GAB1: variants seen among roughly 807,000 people sequenced by gnomAD.
GAB1 encodes GRB2-associated-binding protein 1.
In GAB1, 19 loss-of-function variants were observed where a neutral mutation model predicts 66.5. The ratio of observed to expected loss-of-function variants is 0.29; its 90% CI spans 0.20 to 0.42. The LOEUF (loss-of-function observed/expected upper bound fraction) is 0.42. GAB1 is among the 10% of genes least tolerant of loss of function. The pLI is 1.00. For synonymous variants in GAB1, 294 were observed against 301.4 expected (o/e 0.98, Z 0.25); for missense variants, 732 against 858.5 (o/e 0.85, Z 1.84).
rs76194829 is a variant in GAB1, at chr4:143,339,164, G to A, written c.72+1904G>A. Among the ~76,000 whole-genome samples, 109 of 152,316 alleles carry A rather than the reference G, an allele frequency of 7.2e-4. 3 individuals are homozygous for A. The East Asian group carries it at 0.02, about 27-fold the overall frequency. Reference sequence around the variant, plus strand: ...CATTTGAACCCAGATCTGCCTGATTGATTGGACTGTAAAAGGTTAACGACT... The same window carrying A: ...CATTTGAACCCAGATCTGCCTGATTAATTGGACTGTAAAAGGTTAACGACT... On this transcript the variant is annotated intron_variant, in intron 1 of 9. Coordinates refer to ENST00000262994, the MANE Select transcript of GAB1 (RefSeq NM_002039.4).
At position 143,473,425 on chromosome 4, in the gene GAB1, T is replaced by A. The variant is rs1405570939; in HGVS notation, c.*4236T>A. The A allele has an allele frequency of 6.6e-6, 1 of 152,216 alleles. No individual in the cohort carries two copies. Among genetic ancestry groups the A allele is most frequent in the African/African-American group, 2.4e-5 (1 of 41,456 alleles). The allele number at this position is 152,216 out of a possible 1,614,324, so 9.4% of individuals were successfully genotyped here. On this transcript the variant is annotated 3_prime_UTR_variant, in exon 10 of 10. Coordinates refer to ENST00000262994, the MANE Select transcript of GAB1 (RefSeq NM_002039.4). ...TGCATCAAAAACCCAATTCTGCCATTAACTGTGCTTCCCAGTCCCACCTCT... is the reference window on the plus strand; with the variant it reads ...TGCATCAAAAACCCAATTCTGCCATAAACTGTGCTTCCCAGTCCCACCTCT...
intron 1 of GAB1, among the ~76,000 whole-genome samples, chr4:143,363,017 A>G (rs764305380): frequency 4.6e-5 from 7 of 152,218 alleles, no homozygotes; most frequent in Non-Finnish European, 8.8e-5. Flanking sequence ...TGAAAAGTAG[A>G]CATTATTGTC....
intron 3 of GAB1, among the ~76,000 whole-genome samples, chr4:143,434,926 C>T (rs1227823769): frequency 1.3e-5 from 2 of 152,162 alleles, no homozygotes; most frequent in African/African-American, 4.8e-5. Context: ...AGAGGCCAAT[C>T]TCTGCCATTA....
intron 6 of GAB1, among the ~76,000 whole-genome samples, chr4:143,449,336 G>A (rs1734762547): frequency 1.3e-5 from 2 of 151,648 alleles, no homozygotes; most frequent in African/African-American, 4.9e-5. Context: ...TTCAATTCCT[G>A]GGTATCCTTG....
chr4:143,374,384 A>G lies in GAB1; in HGVS notation c.72+37124A>G, dbSNP rs533152295. On this transcript the variant is annotated intron_variant, in intron 1 of 9. Transcript: ENST00000262994. ...AGTCAAAGGAAAGGAAAACCTGTTC[A>G]ACAATTTTTCTTGCTTTTCATGTGC... Among the ~76,000 whole-genome samples the G allele has an allele frequency of 6.6e-5, 10 of 152,334 alleles. No individual in the cohort carries two copies. The South Asian group carries it at 2.1e-3, about 32-fold the overall frequency.
At chr4:143,464,957 CAT>C (rs1735703773) in intron 8 of GAB1, among the ~76,000 whole-genome samples, 1 of 152,282 alleles carries the variant, frequency 6.6e-6, no homozygotes, top group East Asian at 1.9e-4. Context: ...TTCATCATAA[CAT>C]GTATAAATTT....
chr4:143,336,990 T>A lies in GAB1; in HGVS notation c.-199T>A, dbSNP rs1447866428. Reference sequence around the variant, plus strand: ...GCCCGCGGCCCCGGCTCGCGTTCTGTTCAGGTTCGTGGGCCTGCAGAGGAG... The same window carrying A: ...GCCCGCGGCCCCGGCTCGCGTTCTGATCAGGTTCGTGGGCCTGCAGAGGAG... On this transcript the variant is annotated 5_prime_UTR_variant, in exon 1 of 10. Transcript: ENST00000262994. The A allele has an allele frequency of 1.8e-6, 1 of 553,250 alleles. No individual in the cohort carries two copies. The highest frequency in any genetic ancestry group is 3.2e-6 in the Non-Finnish European group (1 of 311,146). 34.3% of individuals were successfully genotyped at this position (553,250 alleles called of 1,614,324 possible).
At chr4:143,379,149 A>G (rs961256494) in intron 1 of GAB1, among the ~76,000 whole-genome samples, 1 of 152,220 alleles carries the variant, frequency 6.6e-6, no homozygotes. Flanking sequence ...AGAGTTATAT[A>G]TGTAACAGAG....
chr4:143,408,943 T>C (rs971033078), intron 1 of GAB1, among the ~76,000 whole-genome samples: 6 of 152,164 alleles, frequency 3.9e-5, no homozygotes, highest in African/African-American at 9.7e-5. Flanking sequence ...AGAAGGGAAG[T>C]TGGCTCAGGA....
rs1735997156 is a variant in GAB1, at chr4:143,469,873, CT to C, written c.*687del. On this transcript the variant is annotated 3_prime_UTR_variant, in exon 10 of 10. Coordinates refer to ENST00000262994, the MANE Select transcript of GAB1 (RefSeq NM_002039.4). Reference sequence around the variant, plus strand: ...GATTCTGCCGGGTGGGATCTTGCACCTTTGAAAGACTGAATAATTACACTAC... The same window carrying C: ...GATTCTGCCGGGTGGGATCTTGCACCTTGAAAGACTGAATAATTACACTAC... 1 of 152,602 alleles carries C rather than the reference CT, an allele frequency of 6.6e-6. No homozygotes were observed. The highest frequency in any genetic ancestry group is 2.1e-4 in the South Asian group (1 of 4,832). The allele number at this position is 152,602 out of a possible 1,614,324, so 9.5% of individuals were successfully genotyped here. A position where few individuals can be genotyped will look rare whatever the true frequency, so the allele number is the denominator to read the frequency against.
intron 2 of GAB1, among the ~76,000 whole-genome samples, chr4:143,426,447 A>AG (rs1417738021): frequency 6.6e-6 from 1 of 152,060 alleles, no homozygotes; most frequent in East Asian, 1.9e-4. Flanking sequence ...GCTACGTAGG[A>AG]GGGGAGGATT....
chr4:143,449,979 A>C (rs564414666), intron 6 of GAB1, among the ~76,000 whole-genome samples: 23 of 152,126 alleles, frequency 1.5e-4, no homozygotes, highest in Admixed American at 1.1e-3. Flanking sequence ...ACATGTATAC[A>C]CTAATAAGTG....
rs552275263 is a variant in GAB1, at chr4:143,472,614, C to T, written c.*3425C>T. The T allele has an allele frequency of 6.6e-6, 1 of 152,152 alleles. No homozygotes were observed. Among genetic ancestry groups the T allele is most frequent in the East Asian group, 1.9e-4 (1 of 5,190 alleles). 9.4% of individuals were successfully genotyped at this position (152,152 alleles called of 1,614,324 possible). ...CACTCCTAGTGCCTCTTTTTTGGCC[C>T]GTTGAAAGTGTTGGTATTACTACTT... is the stretch of plus-strand genomic sequence containing the variant. On this transcript the variant is annotated 3_prime_UTR_variant, in exon 10 of 10. Coordinates refer to ENST00000262994, the MANE Select transcript of GAB1 (RefSeq NM_002039.4).
At chr4:143,426,114 G>T (rs761186788) in intron 2 of GAB1, 14 of 472,610 alleles carry the variant, frequency 3.0e-5, no homozygotes, top group Non-Finnish European at 5.2e-5. Flanking sequence ...TTAGAGGTTG[G>T]TTCACCTTCT....
At chr4:143,425,270 C>G in intron 2 of GAB1, 1 of 949,276 alleles carries the variant, frequency 1.1e-6, no homozygotes, top group South Asian at 1.3e-5. Context: ...CTGCAGATGT[C>G]AGTGTTATAT....
intron 7 of GAB1, 57 bp from the exon 8 acceptor site, chr4:143,460,307 A>C: frequency 6.5e-7 from 1 of 1,538,800 alleles, no homozygotes; most frequent in Non-Finnish European, 9.0e-7. Flanking sequence ...TATTTGGGGA[A>C]TAATTTTAGA....
chr4:143,414,210 A>G (rs536915607), intron 1 of GAB1, among the ~76,000 whole-genome samples: 13 of 152,148 alleles, frequency 8.5e-5, no homozygotes, highest in Non-Finnish European at 1.6e-4. Context: ...ACTTGCTAAA[A>G]TAGGCCTCTT....
At chr4:143,376,510 G>A (rs1730422417) in intron 1 of GAB1, among the ~76,000 whole-genome samples, 1 of 152,308 alleles carries the variant, frequency 6.6e-6, no homozygotes, top group South Asian at 2.1e-4. Context: ...CATCAAAAAA[G>A]AGATATAGAA....
In GAB1 at chr4:143,344,117, G is replaced by A. The variant is rs913291110; in HGVS notation, c.72+6857G>A. 3.3e-5 allele frequency among the ~76,000 whole-genome samples: 5 copies of A among 152,162 alleles called. No homozygotes were observed. The East Asian group carries it at 9.6e-4, about 29-fold the overall frequency. On this transcript the variant is annotated intron_variant, in intron 1 of 9. Coordinates refer to ENST00000262994, the MANE Select transcript of GAB1 (RefSeq NM_002039.4). ...CAAGCAGTTAGTTTACAACAGAGAG[G>A]GAGCATGTTCTGGTGGGAGGGAGAA...
Sources: gnomAD v4.1 joint callset for allele counts (sites outside exome capture counted in the v4.1 genomes callset) on GRCh38, gnomAD v4.1.1 for gene constraint, MANE v1.5 for transcripts, NCBI Gene and HGNC (gene_info 2026-07-23, HGNC 2026-07-21) for gene names.